The following INPP4A variants were observed in gnomAD, a reference collection of about 807,000 sequenced individuals.
INPP4A encodes the protein inositol polyphosphate-4-phosphatase type I A.
INPP4A carries 33 observed loss-of-function variants against 119.8 expected under a neutral mutation model. The observed-to-expected ratio is 0.28, with a 90% CI of 0.21 to 0.37. INPP4A has a LOEUF of 0.37. INPP4A is among the 10% of genes least tolerant of loss of function. INPP4A has a pLI of 1.00. For synonymous variants in INPP4A, 496 were observed against 500.7 expected, an observed-to-expected ratio of 0.99 and a Z score of 0.12; for missense variants, 956 against 1,289.9, an observed-to-expected ratio of 0.74 and a Z score of 3.97.
chr2:98,517,449 T>G (rs1686363748), intron 1 of INPP4A, among the ~76,000 whole-genome samples: 1 of 152,074 alleles, frequency 6.6e-6, no homozygotes, highest in African/African-American at 2.4e-5. Flanking sequence ...CCAGCGCGGG[T>G]GACTATTTAC....
At chr2:98,485,417 G>A (rs1679340578) in intron 1 of INPP4A, among the ~76,000 whole-genome samples, 1 of 152,002 alleles carries the variant, frequency 6.6e-6, no homozygotes, top group Non-Finnish European at 1.5e-5. Flanking sequence ...TGGGGGGTGG[G>A]GTTTCCCTCT....
intron 1 of INPP4A, among the ~76,000 whole-genome samples, chr2:98,454,253 C>T (rs892349327): frequency 1.3e-5 from 2 of 152,228 alleles, no homozygotes; most frequent in African/African-American, 4.8e-5. Flanking sequence ...CCGCTGGAAT[C>T]CTCTGTGCCT....
intron 10 of INPP4A, among the ~76,000 whole-genome samples, chr2:98,541,386 A>G (rs978919701): frequency 5.9e-5 from 9 of 152,142 alleles, no homozygotes; most frequent in African/African-American, 2.2e-4. Context: ...TTCACCTAAA[A>G]TCACCAATTG....
chr2:98,572,714 T>G, intron 22 of INPP4A, 101 bp from the exon 23 acceptor site: 1 of 716,272 alleles, frequency 1.4e-6, no homozygotes, highest in Non-Finnish European at 2.3e-6. Context: ...AACTCATTGT[T>G]TTACCACTGT....
intron 1 of INPP4A, among the ~76,000 whole-genome samples, chr2:98,486,896 G>A (rs953969040): frequency 6.6e-5 from 10 of 152,220 alleles, no homozygotes; most frequent in Admixed American, 1.3e-4. Flanking sequence ...GCCCACAAAT[G>A]TGCAGTGATT....
At chr2:98,550,628 G>T (rs996853677) in intron 13 of INPP4A, among the ~76,000 whole-genome samples, 2 of 152,116 alleles carry the variant, frequency 1.3e-5, no homozygotes, top group Non-Finnish European at 2.9e-5. Flanking sequence ...CCATCCTGCC[G>T]CCCTCATGTG....
intron 23 of INPP4A, among the ~76,000 whole-genome samples, chr2:98,574,637 C>CAA (rs79411642): frequency 4.4e-5 from 4 of 90,754 alleles, no homozygotes; most frequent in Admixed American, 2.4e-4. Context: ...GACTCCATCT[C>CAA]AAAAAAAAAA....
chr2:98,590,608 C>A lies in INPP4A; in HGVS notation c.*3000C>A. On this transcript the variant is annotated 3_prime_UTR_variant, in exon 25 of 25. Coordinates refer to ENST00000409851, the MANE Select transcript of INPP4A (RefSeq NM_001134225.2). ...CATCATCTCTGTGGGTAACCCAGTC[C>A]TCGTTGTATGACTTGTCAAAATGCA... is the stretch of plus-strand genomic sequence containing the variant. 4.9e-6 allele frequency: 1 copy of A among 202,526 alleles called. No homozygotes were observed. Among genetic ancestry groups the A allele is most frequent in the Non-Finnish European group, 1.0e-5 (1 of 98,700 alleles). 12.5% of individuals were successfully genotyped at this position (202,526 alleles called of 1,614,324 possible).
chr2:98,484,435 C>T (rs1195676761), intron 1 of INPP4A, among the ~76,000 whole-genome samples: 1 of 152,106 alleles, frequency 6.6e-6, no homozygotes, highest in Non-Finnish European at 1.5e-5. Context: ...CTGATGAGCT[C>T]AAAGTCCAGA....
intron 2 of INPP4A, 175 bp from the exon 3 acceptor site, chr2:98,519,771 A>C: frequency 2.3e-6 from 1 of 435,318 alleles, no homozygotes; most frequent in Non-Finnish European, 4.2e-6. Context: ...GGGAGTGGGG[A>C]GGAAGAAGTG....
chr2:98,471,837 C>T (rs1009144303), intron 1 of INPP4A, among the ~76,000 whole-genome samples: 1 of 152,206 alleles, frequency 6.6e-6, no homozygotes, highest in African/African-American at 2.4e-5. Context: ...GACTGTAGCT[C>T]TGAAATTCTG....
chr2:98,532,262 GTTCT>G (rs1315192724), intron 4 of INPP4A, among the ~76,000 whole-genome samples: 4 of 150,972 alleles, frequency 2.6e-5, no homozygotes, highest in South Asian at 2.1e-4. Flanking sequence ...TTTTCTCCCT[GTTCT>G]TTCTTTCATT....
intron 4 of INPP4A, among the ~76,000 whole-genome samples, chr2:98,525,613 G>GA (rs912851229): frequency 2.6e-5 from 4 of 151,912 alleles, no homozygotes; most frequent in African/African-American, 7.3e-5. Flanking sequence ...CCACAAACTG[G>GA]AAAAAAATAT....
At position 98,590,542 on chromosome 2, in the gene INPP4A, G is replaced by A. The variant is rs890988288; in HGVS notation, c.*2934G>A. On this transcript the variant is annotated 3_prime_UTR_variant, in exon 25 of 25. Transcript: ENST00000409851. ...CCTCAGAAGTACGTGTTCATAAATGGTAGCCATTGTTGTTACCTTCCCGTC... is the reference window on the plus strand; with the variant it reads ...CCTCAGAAGTACGTGTTCATAAATGATAGCCATTGTTGTTACCTTCCCGTC... 5.1e-6 allele frequency: 1 copy of A among 195,530 alleles called. No individual in the cohort carries two copies. 12.1% of individuals were successfully genotyped at this position (195,530 alleles called of 1,614,324 possible). A position where few individuals can be genotyped will look rare whatever the true frequency, so the allele number is the denominator to read the frequency against.
At chr2:98,506,177 G>A (rs890094155) in intron 1 of INPP4A, among the ~76,000 whole-genome samples, 1 of 152,188 alleles carries the variant, frequency 6.6e-6, no homozygotes, top group African/African-American at 2.4e-5. Context: ...GAAGACATGG[G>A]TGGGGACAGG....
Position 98,588,548 on chromosome 2 carries a change from A to G in INPP4A, c.*940A>G, listed in dbSNP as rs1005600122. 9.1e-6 allele frequency: 2 copies of G among 220,608 alleles called. No individual in the cohort carries two copies. The highest frequency in any genetic ancestry group is 1.8e-4 in the South Asian group (1 of 5,444). 13.7% of individuals were successfully genotyped at this position (220,608 alleles called of 1,614,324 possible). A position where few individuals can be genotyped will look rare whatever the true frequency, so the allele number is the denominator to read the frequency against. On this transcript the variant is annotated 3_prime_UTR_variant, in exon 25 of 25. Transcript: ENST00000409851. ...AATTTATCTTTGAAAAGACAGTACAATCATGTTTGAATGTCTGATGAAAGT... is the reference window on the plus strand; with the variant it reads ...AATTTATCTTTGAAAAGACAGTACAGTCATGTTTGAATGTCTGATGAAAGT...
chr2:98,504,337 CTGAATGTT>C (rs2105426419), intron 1 of INPP4A, among the ~76,000 whole-genome samples: 1 of 152,356 alleles, frequency 6.6e-6, no homozygotes, highest in Non-Finnish European at 1.5e-5. Flanking sequence ...CACCCCAACA[CTGAATGTT>C]TCAAACAGGA....
At chr2:98,545,127 C>T (rs894034877) in intron 11 of INPP4A, among the ~76,000 whole-genome samples, 6 of 152,266 alleles carry the variant, frequency 3.9e-5, no homozygotes, top group Admixed American at 1.3e-4. Flanking sequence ...CTGCACCCTA[C>T]GTATCAGGCC....
At chr2:98,514,398 GGTAAGA>G (rs1166175924) in intron 1 of INPP4A, among the ~76,000 whole-genome samples, 2 of 152,122 alleles carry the variant, frequency 1.3e-5, no homozygotes, top group Non-Finnish European at 2.9e-5. Flanking sequence ...TCTCTGGAGC[GGTAAGA>G]GTATATCTTT....
Sources: allele counts gnomAD v4.1 joint callset (sites outside exome capture counted in the v4.1 genomes callset), GRCh38; gene constraint gnomAD v4.1.1; transcripts MANE v1.5; gene names NCBI Gene and HGNC (gene_info 2026-07-23, HGNC 2026-07-21).